MYH15: variants seen among roughly 807,000 people sequenced by gnomAD.
MYH15 encodes the protein myosin heavy chain 15, also known as myosin-15.
In MYH15, 227 loss-of-function variants were observed where a neutral mutation model predicts 240.5. The observed-to-expected ratio is 0.94, with a 90% CI of 0.85 to 1.05. MYH15 has a LOEUF of 1.05. Ranked by LOEUF, MYH15 falls within the 50% of genes least tolerant of loss-of-function variation. The pLI is 0.00. For synonymous variants in MYH15, 785 were observed against 796.7 expected (o/e 0.99, Z 0.25); for missense variants, 2,217 against 2,247.5 (o/e 0.99, Z 0.27).
At chr3:108,478,466 T>C (rs2083238651) in intron 11 of MYH15, among the ~76,000 whole-genome samples, 1 of 152,188 alleles carries the variant, frequency 6.6e-6, no homozygotes, top group Non-Finnish European at 1.5e-5. Flanking sequence ...CTGCTAACAG[T>C]GCCAGGTTTG....
At chr3:108,441,330 T>C in intron 22 of MYH15, 70 bp from the exon 23 acceptor site, 1 of 1,554,240 alleles carries the variant, frequency 6.4e-7, no homozygotes, top group Non-Finnish European at 8.8e-7. Flanking sequence ...AAATGCTGCT[T>C]AACACACAGC....
At chr3:108,531,456 C>T (rs1283115547), upstream of MYH15, among the ~76,000 whole-genome samples, 2 of 152,038 alleles carry the variant, frequency 1.3e-5, no homozygotes, top group Admixed American at 1.3e-4. Context: ...CTGGGCCATA[C>T]CCATATTTGC....
chr3:108,416,233 T>G (rs1043706478), intron 29 of MYH15, among the ~76,000 whole-genome samples: 1 of 152,216 alleles, frequency 6.6e-6, no homozygotes, highest in Non-Finnish European at 1.5e-5. Flanking sequence ...CTTCATAGTA[T>G]GGTCATGTAC....
At chr3:108,434,591 TAC>T (rs1300971630) in intron 25 of MYH15, among the ~76,000 whole-genome samples, 6 of 152,064 alleles carry the variant, frequency 3.9e-5, no homozygotes, top group African/African-American at 1.4e-4. Context: ...TACACAAGCC[TAC>T]ACAGAGTACT....
intron 25 of MYH15, among the ~76,000 whole-genome samples, chr3:108,433,562 T>C (rs2082798954): frequency 6.6e-6 from 1 of 152,062 alleles, no homozygotes; most frequent in African/African-American, 2.4e-5. Context: ...AATTTCCAGG[T>C]GTTGTGGGAG....
intron 11 of MYH15, 150 bp downstream of exon 11, chr3:108,484,941 A>T: frequency 1.4e-6 from 1 of 724,244 alleles, no homozygotes; most frequent in Non-Finnish European, 2.2e-6. Flanking sequence ...TTAGAATGGT[A>T]GTTGACAGAA....
At chr3:108,490,286 A>G (rs959385890) in intron 9 of MYH15, among the ~76,000 whole-genome samples, 3 of 152,288 alleles carry the variant, frequency 2.0e-5, no homozygotes, top group African/African-American at 7.2e-5. Context: ...GTACTTTAAA[A>G]ACCAAGTAGT....
intron 1 of MYH15, among the ~76,000 whole-genome samples, chr3:108,507,006 G>C (rs1366727428): frequency 6.6e-6 from 1 of 152,020 alleles, no homozygotes; most frequent in Non-Finnish European, 1.5e-5. Context: ...ACTCCAGCCT[G>C]GGTGACAGAG....
chr3:108,493,102 A>G lies in MYH15; in HGVS notation c.775+12T>C, dbSNP rs139853118. The G allele has an allele frequency of 6.3e-4, 1,022 of 1,611,726 alleles. 5 individuals are homozygous for G. In the African/African-American group the frequency reaches 9.0e-3, roughly 14 times the overall value. On this transcript the variant is annotated intron_variant, in intron 8 of 40. Coordinates refer to ENST00000693548, the MANE Select transcript of MYH15 (RefSeq NM_014981.3). ...AAGAAAAAAGTAATCAGACAGTGCA[A>G]TGACTACTTACAGATATCAATGTCC...
chr3:108,426,496 C>A (rs1487953314), intron 27 of MYH15, among the ~76,000 whole-genome samples: 1 of 152,220 alleles, frequency 6.6e-6, no homozygotes, highest in African/African-American at 2.4e-5. Context: ...CTCAGGCAGG[C>A]CCAGGTTCAG....
upstream of MYH15, among the ~76,000 whole-genome samples, chr3:108,532,823 T>C (rs551191670): frequency 5.3e-5 from 8 of 152,284 alleles, no homozygotes; most frequent in South Asian, 1.7e-3. Context: ...TACCAGGGAA[T>C]AACATCAAGG....
At chr3:108,467,231 A>G (rs896749254) in intron 14 of MYH15, among the ~76,000 whole-genome samples, 2 of 151,806 alleles carry the variant, frequency 1.3e-5, no homozygotes, top group South Asian at 2.1e-4. Context: ...AGAGTTGCCA[A>G]TCAAAAAAAG....
At chr3:108,470,985 T>C in intron 12 of MYH15, 138 bp from the exon 13 acceptor site, 1 of 561,018 alleles carries the variant, frequency 1.8e-6, no homozygotes, top group Non-Finnish European at 2.8e-6. Flanking sequence ...TTCTGCTGAA[T>C]ACAATGAGAA....
At chr3:108,496,140 G>T (rs2083387494) in intron 6 of MYH15, among the ~76,000 whole-genome samples, 1 of 152,166 alleles carries the variant, frequency 6.6e-6, no homozygotes, top group Non-Finnish European at 1.5e-5. Context: ...GCCTGAGGGG[G>T]AAAAGCAAAT....
rs1022240766 is a variant in MYH15 at position 108,506,899 on chromosome 3, C to T, written c.89-1070G>A. ...TACAAAAATTAGCTGGGCATGGTGG[C>T]GTGTGCCTGTAATCCCAGCTACTCA... On this transcript the variant is annotated intron_variant, in intron 1 of 40. Transcript: ENST00000693548. 2.6e-5 allele frequency among the ~76,000 whole-genome samples: 4 copies of T among 152,164 alleles called. No individual in the cohort carries two copies. In the South Asian group the frequency reaches 8.3e-4, roughly 32 times the overall value.
Position 108,400,058 on chromosome 3 carries a change from G to A in MYH15, c.4737-791C>T, listed in dbSNP as rs938102957. On this transcript the variant is annotated intron_variant, in intron 33 of 40. Transcript: ENST00000693548. ...GACTAGATTCTGGTAAATGCACTGTGGAGAATAATGAAGTTTACCATTCCA... is the reference window on the plus strand; with the variant it reads ...GACTAGATTCTGGTAAATGCACTGTAGAGAATAATGAAGTTTACCATTCCA... 6.3e-4 allele frequency among the ~76,000 whole-genome samples: 96 copies of A among 152,308 alleles called. 1 individual carries two copies. Among genetic ancestry groups the A allele is most frequent in the South Asian group, 1.0e-3 (5 of 4,826 alleles).
chr3:108,474,669 G>C (rs2083205404), intron 12 of MYH15, among the ~76,000 whole-genome samples: 1 of 151,852 alleles, frequency 6.6e-6, no homozygotes, highest in Admixed American at 6.6e-5. Context: ...TTGCTATTTG[G>C]GCTCATTAGT....
rs564073098 is a variant in MYH15, at chr3:108,436,341, A to C, written c.3221+1213T>G. On this transcript the variant is annotated intron_variant, in intron 25 of 40. Coordinates refer to ENST00000693548, the MANE Select transcript of MYH15 (RefSeq NM_014981.3). ...CATTTTGCTTTAATTATTCCATTCC[A>C]TTCATAAGGTCGCTTGTTTCATCGT... Among the ~76,000 whole-genome samples, 4 of 152,286 alleles carry C rather than the reference A, an allele frequency of 2.6e-5. 1 individual carries two copies. The South Asian group carries it at 8.3e-4, about 32-fold the overall frequency.
chr3:108,458,493 G>A (rs777691194), intron 18 of MYH15, among the ~76,000 whole-genome samples: 2 of 152,088 alleles, frequency 1.3e-5, no homozygotes, highest in African/African-American at 4.8e-5. Context: ...AATTACAGGA[G>A]GTTAATAAAA....
Sources: allele counts gnomAD v4.1 joint callset (sites outside exome capture counted in the v4.1 genomes callset), GRCh38; gene constraint gnomAD v4.1.1; transcripts MANE v1.5; gene names NCBI Gene and HGNC (gene_info 2026-07-23, HGNC 2026-07-21).